The following PRKN variants were observed in gnomAD, a reference collection of about 807,000 sequenced individuals.
The protein encoded by PRKN is E3 ubiquitin-protein ligase parkin.
PRKN carries 56 observed loss-of-function variants against 59.5 expected under a neutral mutation model. The ratio of observed to expected loss-of-function variants is 0.94; its 90% confidence interval spans 0.76 to 1.18. The LOEUF (loss-of-function observed/expected upper bound fraction) is 1.18, where lower values mean the gene tolerates loss of function less well. Ranked by LOEUF, PRKN falls within the 50% of genes most tolerant of loss-of-function variation. The probability of loss-of-function intolerance (pLI) is 0.00; values close to 1 mark genes in which losing one functional copy is unlikely to be tolerated. For missense variants in PRKN, 657 were observed against 596.4 expected, an observed-to-expected ratio of 1.10 and a Z score of -1.06; for synonymous variants, 250 against 222.1, an observed-to-expected ratio of 1.13 and a Z score of -1.12.
chr6:162,547,598 GAGA>G (rs1779172253), intron 1 of PRKN, among the ~76,000 whole-genome samples: 1 of 151,928 alleles, frequency 6.6e-6, no homozygotes, highest in East Asian at 1.9e-4. Context: ...ATTATTTTTT[GAGA>G]AGGAGTTTCA....
chr6:161,412,520 TTCC>T (rs1171345989), intron 9 of PRKN, among the ~76,000 whole-genome samples: 1 of 151,120 alleles, frequency 6.6e-6, no homozygotes, highest in Non-Finnish European at 1.5e-5. Context: ...CACTCATTCC[TTCC>T]TCACTCGTTC....
rs371508977 is a variant in PRKN, at chr6:161,461,045, C to T, written c.1084-74168G>A. Among the ~76,000 whole-genome samples, 231 of 152,216 alleles carry T rather than the reference C, an allele frequency of 1.5e-3. 2 individuals are homozygous for T. Among genetic ancestry groups the T allele is most frequent in the African/African-American group, 5.2e-3 (216 of 41,532 alleles). On this transcript the variant is annotated intron_variant, in intron 9 of 11. Coordinates refer to ENST00000366898, the MANE Select transcript of PRKN (RefSeq NM_004562.3). This position sits in a 1 kb window ranked among gnomAD's most constrained non-coding sequence, Gnocchi z 5.1. ...GTACTGGGACTACAGGTGTGAGCCA[C>T]CATGCCCGGTCCAAGAGTCATCTTT...
chr6:162,440,701 A>C (rs1234449235), intron 2 of PRKN, among the ~76,000 whole-genome samples: 1 of 152,142 alleles, frequency 6.6e-6, no homozygotes, highest in Non-Finnish European at 1.5e-5. Flanking sequence ...CAGGACACCA[A>C]GGTGTATATT....
At chr6:161,536,988 T>C (rs1169006387) in intron 9 of PRKN, among the ~76,000 whole-genome samples, 1 of 152,256 alleles carries the variant, frequency 6.6e-6, no homozygotes, top group East Asian at 1.9e-4. Flanking sequence ...ACAAAGATCT[T>C]ATCTCTTTAA....
intron 6 of PRKN, among the ~76,000 whole-genome samples, chr6:161,950,920 A>G (rs1463892520): frequency 6.7e-6 from 1 of 150,022 alleles, no homozygotes; most frequent in Admixed American, 6.7e-5. Context: ...CTGAAACAAG[A>G]ATCGGAATGG....
intron 5 of PRKN, among the ~76,000 whole-genome samples, chr6:162,044,440 GTCTAGCTCAGCC>G (rs1018621665): frequency 6.6e-6 from 1 of 152,192 alleles, no homozygotes; most frequent in African/African-American, 2.4e-5. Context: ...TAGTCATCAA[GTCTAGCTCAGCC>G]TCTGCATTTC....
At chr6:162,036,256 G>A (rs1343972144) in intron 5 of PRKN, among the ~76,000 whole-genome samples, 3 of 151,678 alleles carry the variant, frequency 2.0e-5, no homozygotes, top group Admixed American at 6.6e-5. Context: ...CCCGGGAGGC[G>A]GAGCTTGCAG....
intron 7 of PRKN, among the ~76,000 whole-genome samples, chr6:161,780,614 C>A (rs1790162320): frequency 6.6e-6 from 1 of 152,088 alleles, no homozygotes; most frequent in Non-Finnish European, 1.5e-5. Context: ...TAAAAATAAT[C>A]CTTCAAAGAA....
chr6:161,436,687 G>A (rs78832147), intron 9 of PRKN, among the ~76,000 whole-genome samples: 3 of 152,062 alleles, frequency 2.0e-5, no homozygotes, highest in African/African-American at 7.2e-5. Context: ...TCCCTTCCGG[G>A]GGATGACTCT....
At chr6:162,357,101 C>T (rs1562697918) in intron 2 of PRKN, among the ~76,000 whole-genome samples, 1 of 151,934 alleles carries the variant, frequency 6.6e-6, no homozygotes, top group Non-Finnish European at 1.5e-5. Flanking sequence ...AGGCACAATC[C>T]ATGAAAGAAA....
chr6:162,423,006 T>C (rs1789057935), intron 2 of PRKN, among the ~76,000 whole-genome samples: 1 of 149,962 alleles, frequency 6.7e-6, no homozygotes, highest in Admixed American at 6.6e-5. Context: ...TAAAAATGAT[T>C]ATTCTTCTAG....
At chr6:162,224,266 G>A (rs908876212) in intron 3 of PRKN, among the ~76,000 whole-genome samples, 3 of 151,992 alleles carry the variant, frequency 2.0e-5, no homozygotes, top group Admixed American at 6.6e-5. Flanking sequence ...ATTACAATAC[G>A]GTATTTTTAC....
At chr6:161,708,193 C>T (rs942007584) in intron 7 of PRKN, among the ~76,000 whole-genome samples, 3 of 151,930 alleles carry the variant, frequency 2.0e-5, no homozygotes, top group Admixed American at 1.3e-4. Flanking sequence ...ATTGTGCATA[C>T]GGCATTGAAA....
At chr6:161,682,128 T>C (rs1353805247) in intron 7 of PRKN, among the ~76,000 whole-genome samples, 1 of 152,016 alleles carries the variant, frequency 6.6e-6, no homozygotes, top group African/African-American at 2.4e-5. Context: ...GAAGCCCCCA[T>C]GGGAGGTGGC....
At position 162,702,814 on chromosome 6, in the gene PRKN, T is replaced by C. The variant is rs555016492; in HGVS notation, c.7+24848A>G. On this transcript the variant is annotated intron_variant, in intron 1 of 11. Transcript: ENST00000366898. ...TAATAGTGCATAATTACCTCAGTGT[T>C]GACAAGTGAGAGATGTTTAACTCCT... Among the ~76,000 whole-genome samples, 23 of 152,324 alleles carry C rather than the reference T, an allele frequency of 1.5e-4. 1 individual carries two copies. The highest frequency in any genetic ancestry group is 8.5e-4 in the Admixed American group (13 of 15,310).
intron 1 of PRKN, among the ~76,000 whole-genome samples, chr6:162,570,750 C>T (rs565488144): frequency 6.6e-6 from 1 of 151,990 alleles, no homozygotes; most frequent in Admixed American, 6.6e-5. Flanking sequence ...TTTGTGGAAT[C>T]TAGTAATCAA....
chr6:162,551,720 G>C (rs961528429), intron 1 of PRKN, among the ~76,000 whole-genome samples: 1 of 152,154 alleles, frequency 6.6e-6, no homozygotes, highest in African/African-American at 2.4e-5. Flanking sequence ...CCTCATCGTT[G>C]TAACATGTAT....
At chr6:161,860,550 G>C (rs1392921402) in intron 6 of PRKN, among the ~76,000 whole-genome samples, 4 of 152,136 alleles carry the variant, frequency 2.6e-5, no homozygotes, top group African/African-American at 9.7e-5. Flanking sequence ...CCCTCTTTCG[G>C]TCAGTAACAC....
intron 6 of PRKN, among the ~76,000 whole-genome samples, chr6:161,832,616 T>A: frequency 8.7e-6 from 1 of 115,004 alleles, no homozygotes. Flanking sequence ...AGAGTGAGAT[T>A]CCATCTCAAA....
Sources: gnomAD v4.1 joint callset for allele counts (sites outside exome capture counted in the v4.1 genomes callset) on GRCh38, gnomAD v4.1.1 for gene constraint, Gnocchi (gnomAD v3.1) non-coding constraint, MANE v1.5 for transcripts, NCBI Gene and HGNC (gene_info 2026-07-23, HGNC 2026-07-21) for gene names.